Variants in PLD5 observed in about 807,000 individuals in gnomAD.
The protein encoded by PLD5 is inactive phospholipase D5.
Under a neutral mutation model 61.1 loss-of-function variants are expected in PLD5, and 36 were observed. The ratio of observed to expected loss-of-function variants is 0.59; its 90% CI spans 0.45 to 0.78. The LOEUF (loss-of-function observed/expected upper bound fraction) is 0.78, where lower values mean the gene tolerates loss of function less well. Among genes scored for constraint, PLD5 ranks in the 30% least tolerant of loss-of-function variants. The probability of loss-of-function intolerance (pLI) is 0.00; values close to 1 mark genes in which losing one functional copy is unlikely to be tolerated. For missense variants in PLD5, 515 were observed against 644.4 expected (o/e 0.80, Z 2.17); for synonymous variants, 243 against 242.8 (o/e 1.00, Z -0.01).
intron 4 of PLD5, among the ~76,000 whole-genome samples, chr1:242,232,924 A>G (rs1277832112): frequency 1.3e-5 from 2 of 152,062 alleles, no homozygotes; most frequent in Non-Finnish European, 2.9e-5. Context: ...AGAGGTCCAG[A>G]CAGGTGGATC....
At chr1:242,364,093 GACAGA>G (rs1661212871) in intron 1 of PLD5, among the ~76,000 whole-genome samples, 3 of 151,874 alleles carry the variant, frequency 2.0e-5, no homozygotes, top group Admixed American at 6.6e-5. Context: ...TCATCAAGAG[GACAGA>G]ACAGAACTAA....
At chr1:242,501,656 A>G (rs904104478) in intron 1 of PLD5, among the ~76,000 whole-genome samples, 1 of 152,214 alleles carries the variant, frequency 6.6e-6, no homozygotes, top group South Asian at 2.1e-4. Context: ...TCAGGAATAA[A>G]GCATGGAAAA....
chr1:242,340,956 A>G (rs2149212613), intron 2 of PLD5, among the ~76,000 whole-genome samples: 1 of 152,114 alleles, frequency 6.6e-6, no homozygotes, highest in South Asian at 2.1e-4. Flanking sequence ...TATCAACAAT[A>G]CCCTTGGACG....
chr1:242,134,054 T>C (rs1198790909), intron 5 of PLD5, among the ~76,000 whole-genome samples: 1 of 152,216 alleles, frequency 6.6e-6, no homozygotes, highest in Non-Finnish European at 1.5e-5. Flanking sequence ...GGGTTGTATT[T>C]GATTCCCTTT....
At chr1:242,512,155 T>C (rs1329864410) in intron 1 of PLD5, among the ~76,000 whole-genome samples, 1 of 151,546 alleles carries the variant, frequency 6.6e-6, no homozygotes. Context: ...TTCACGCCTG[T>C]AATCCCAGCA....
In PLD5 at chr1:242,247,108, C is replaced by T. The variant is rs1271600197; in HGVS notation, c.607+18229G>A. Among the ~76,000 whole-genome samples the T allele has an allele frequency of 2.8e-4, 43 of 151,960 alleles. 1 individual carries two copies. The highest frequency in any genetic ancestry group is 3.4e-3 in the Middle Eastern group (1 of 294). On this transcript the variant is annotated intron_variant, in intron 4 of 9. Transcript: ENST00000536534. ...ACGCCATTCTCCTGCCTCAGCCTCCCGTGTAGCTGGGACTACAGGCGCCCG... is the reference window on the plus strand; with the variant it reads ...ACGCCATTCTCCTGCCTCAGCCTCCTGTGTAGCTGGGACTACAGGCGCCCG...
At chr1:242,244,085 T>C (rs970845919) in intron 4 of PLD5, among the ~76,000 whole-genome samples, 3 of 152,220 alleles carry the variant, frequency 2.0e-5, no homozygotes, top group Non-Finnish European at 2.9e-5. Context: ...TTCCATTTAA[T>C]GACATATATG....
chr1:242,466,546 A>C (rs539011298), intron 1 of PLD5, among the ~76,000 whole-genome samples: 1 of 152,188 alleles, frequency 6.6e-6, no homozygotes, highest in East Asian at 1.9e-4. Context: ...ACATTAAGCT[A>C]AGTGAAAGAA....
intron 1 of PLD5, among the ~76,000 whole-genome samples, chr1:242,368,262 T>C (rs1364633013): frequency 6.6e-6 from 1 of 152,148 alleles, no homozygotes; most frequent in Non-Finnish European, 1.5e-5. Context: ...AGCCTTCTCC[T>C]TCATTCCCCT....
chr1:242,177,409 C>A (rs1667228315), intron 5 of PLD5, among the ~76,000 whole-genome samples: 1 of 152,020 alleles, frequency 6.6e-6, no homozygotes, highest in East Asian at 1.9e-4. Flanking sequence ...ACACCGGGGC[C>A]TGTTGGGTGG....
chr1:242,299,719 A>G (rs941732115), intron 2 of PLD5, among the ~76,000 whole-genome samples: 2 of 152,248 alleles, frequency 1.3e-5, no homozygotes, highest in Non-Finnish European at 2.9e-5. Flanking sequence ...TCTCACTGCC[A>G]GGTTATGTTT....
intron 5 of PLD5, among the ~76,000 whole-genome samples, chr1:242,140,256 C>G (rs1176563498): frequency 6.6e-6 from 1 of 152,222 alleles, no homozygotes; most frequent in Non-Finnish European, 1.5e-5. Context: ...GCTTATCTAA[C>G]CTCCACAGTG....
At chr1:242,416,592 T>C (rs888515907) in intron 1 of PLD5, among the ~76,000 whole-genome samples, 2 of 152,174 alleles carry the variant, frequency 1.3e-5, no homozygotes, top group Non-Finnish European at 2.9e-5. Context: ...ATAAATATAA[T>C]TACCCTATTT....
chr1:242,134,396 T>G (rs1663540149), intron 5 of PLD5, among the ~76,000 whole-genome samples: 1 of 88,988 alleles, frequency 1.1e-5, no homozygotes, highest in Non-Finnish European at 2.2e-5. Context: ...TTTTTTTTTT[T>G]TTTTAATAAA....
At chr1:242,262,582 T>C (rs1217084684) in intron 4 of PLD5, among the ~76,000 whole-genome samples, 13 of 152,220 alleles carry the variant, frequency 8.5e-5, no homozygotes, top group South Asian at 4.1e-4. Flanking sequence ...TGACAAAGGC[T>C]TAAGCAAAGT....
chr1:242,341,712 T>G lies in PLD5; in HGVS notation c.326+6394A>C, dbSNP rs1459400692. Among the ~76,000 whole-genome samples, 31 of 141,242 alleles carry G rather than the reference T, an allele frequency of 2.2e-4. No homozygotes were observed. In the Admixed American group the frequency reaches 2.3e-3, roughly 11 times the overall value. The allele number at this position is 141,242 out of a possible 152,430, so 92.7% of individuals were successfully genotyped here. On this transcript the variant is annotated intron_variant, in intron 2 of 9. Coordinates refer to ENST00000536534, the MANE Select transcript of PLD5 (RefSeq NM_001372062.1). Reference sequence around the variant, plus strand: ...ATAATATTACATGGGACCCCTTTTGTACAGACCCAAATCTATTCAATTTAG... The same window carrying G: ...ATAATATTACATGGGACCCCTTTTGGACAGACCCAAATCTATTCAATTTAG...
At position 242,348,212 on chromosome 1, in the gene PLD5, G is replaced by C. The variant is rs1454458686; in HGVS notation, c.220C>G (p.Leu74Val). The change falls in exon 2 of 10, where the codon CTG becomes GTG. Residue 74 changes from leucine (L) to valine (V), a missense_variant. Leu to Val is a conservative substitution (Grantham distance 32). Coordinates refer to ENST00000536534, the MANE Select transcript of PLD5 (RefSeq NM_001372062.1). ...ACCAGAATGGCAAAGCAGCACACCA[G>C]GGCAAAGATCACGATGCACTTCTGC... is the stretch of plus-strand genomic sequence containing the variant. ...SQQKCIVIFALVCCFAILVAL... is the reference protein window; with the variant it reads ...SQQKCIVIFAVVCCFAILVAL... 6.2e-7 allele frequency: 1 copy of C among 1,612,100 alleles called. No individual in the cohort carries two copies. Among genetic ancestry groups the C allele is most frequent in the Non-Finnish European group, 8.5e-7 (1 of 1,179,582 alleles).
intron 2 of PLD5, among the ~76,000 whole-genome samples, chr1:242,338,226 C>T (rs1458741902): frequency 1.3e-5 from 2 of 152,124 alleles, no homozygotes; most frequent in Non-Finnish European, 2.9e-5. Flanking sequence ...TCAGACACAT[C>T]AACTCCAGTT....
chr1:242,457,800 C>G (rs745316248), intron 1 of PLD5, among the ~76,000 whole-genome samples: 6 of 152,202 alleles, frequency 3.9e-5, no homozygotes, highest in Non-Finnish European at 8.8e-5. Flanking sequence ...CTTCTACCCT[C>G]TGTCACTCCA....
Sources: allele counts gnomAD v4.1 joint callset (sites outside exome capture counted in the v4.1 genomes callset), GRCh38; gene constraint gnomAD v4.1.1; transcripts MANE v1.5; gene names NCBI Gene and HGNC (gene_info 2026-07-23, HGNC 2026-07-21).